Variants in PPP1R9A observed in about 807,000 individuals in gnomAD.
PPP1R9A encodes the protein protein phosphatase 1 regulatory subunit 9A, also known as neurabin-1.
PPP1R9A carries 59 observed loss-of-function variants against 141.9 expected under a neutral mutation model. That is an observed-to-expected ratio of 0.42 (90% CI 0.34 to 0.52). The LOEUF is 0.52. Among genes scored for constraint, PPP1R9A ranks in the 20% least tolerant of loss-of-function variants. The pLI is 0.10. For missense variants in PPP1R9A, 1,444 were observed against 1,611.9 expected (o/e 0.90, Z 1.78); for synonymous variants, 500 against 569.7 (o/e 0.88, Z 1.74).
intron 2 of PPP1R9A, among the ~76,000 whole-genome samples, chr7:94,985,552 G>A (rs1800714678): frequency 6.6e-6 from 1 of 152,108 alleles, no homozygotes; most frequent in Non-Finnish European, 1.5e-5. Flanking sequence ...TCTTCTTGTT[G>A]AATTGATCCC....
intron 12 of PPP1R9A, among the ~76,000 whole-genome samples, chr7:95,256,191 C>CAAA (rs369030873): frequency 3.6e-4 from 49 of 135,396 alleles, no homozygotes; most frequent in African/African-American, 9.2e-4. Flanking sequence ...GATCCTGTCT[C>CAAA]AAAAAAAAAA....
chr7:95,188,983 G>A (rs1441088436), intron 5 of PPP1R9A, among the ~76,000 whole-genome samples: 3 of 152,222 alleles, frequency 2.0e-5, no homozygotes, highest in East Asian at 3.9e-4. Flanking sequence ...TGCTGGTGTG[G>A]TGGTGATGAA....
intron 12 of PPP1R9A, 101 bp from the exon 13 acceptor site, chr7:95,268,449 C>T (rs1801636702): frequency 4.5e-6 from 6 of 1,340,972 alleles, no homozygotes; most frequent in South Asian, 1.4e-5. Context: ...CTGATCCTTA[C>T]CTGATGTTAC....
chr7:94,959,702 T>A (rs1329533318), intron 2 of PPP1R9A, among the ~76,000 whole-genome samples: 1 of 151,732 alleles, frequency 6.6e-6, no homozygotes. Flanking sequence ...AGTTATTCAA[T>A]TTTTAATTTT....
At chr7:94,962,527 A>C (rs2151136592) in intron 2 of PPP1R9A, among the ~76,000 whole-genome samples, 1 of 152,212 alleles carries the variant, frequency 6.6e-6, no homozygotes, top group Non-Finnish European at 1.5e-5. Flanking sequence ...TCTCATAAAA[A>C]AAATCTCACT....
intron 2 of PPP1R9A, among the ~76,000 whole-genome samples, chr7:95,006,891 T>A (rs916609851): frequency 2.6e-5 from 4 of 151,844 alleles, no homozygotes; most frequent in African/African-American, 9.7e-5. Context: ...AGACGGAGTT[T>A]CGCGCTTGTT....
chr7:95,043,080 G>C (rs1267655766), intron 2 of PPP1R9A, among the ~76,000 whole-genome samples: 1 of 152,144 alleles, frequency 6.6e-6, no homozygotes, highest in East Asian at 1.9e-4. Flanking sequence ...AAATGAGGCT[G>C]CTAAATTAGG....
chr7:95,056,680 C>G (rs1811541717), intron 2 of PPP1R9A, among the ~76,000 whole-genome samples: 1 of 151,952 alleles, frequency 6.6e-6, no homozygotes, highest in Non-Finnish European at 1.5e-5. Flanking sequence ...TCAAGTTTGC[C>G]TGAAGTAATA....
intron 4 of PPP1R9A, among the ~76,000 whole-genome samples, chr7:95,122,146 ATTT>A (rs1273220292): frequency 1.5e-5 from 2 of 133,896 alleles, no homozygotes; most frequent in Admixed American, 7.5e-5. Context: ...CCAGAGCACC[ATTT>A]TTTTTTTTTT....
At chr7:95,219,094 C>G (rs952394616) in intron 7 of PPP1R9A, among the ~76,000 whole-genome samples, 1 of 152,166 alleles carries the variant, frequency 6.6e-6, no homozygotes, top group Non-Finnish European at 1.5e-5. Context: ...CATGCTTTTG[C>G]AGTGGGTGGT....
intron 12 of PPP1R9A, among the ~76,000 whole-genome samples, chr7:95,252,810 A>T (rs993194498): frequency 6.6e-6 from 1 of 152,168 alleles, no homozygotes. Context: ...GATCTTTTTC[A>T]TAATATCAGA....
intron 9 of PPP1R9A, among the ~76,000 whole-genome samples, chr7:95,249,102 G>A (rs947920172): frequency 6.6e-6 from 1 of 152,066 alleles, no homozygotes; most frequent in Non-Finnish European, 1.5e-5. Context: ...GTAGAAATGA[G>A]GGTATTAGAC....
chr7:95,198,662 A>G (rs1479367828), intron 6 of PPP1R9A, among the ~76,000 whole-genome samples, 178 bp downstream of exon 6: 1 of 152,218 alleles, frequency 6.6e-6, no homozygotes, highest in Non-Finnish European at 1.5e-5. Context: ...TTAAGAATCA[A>G]GTCATGGTAT....
At position 95,203,720 on chromosome 7, in the gene PPP1R9A, A is replaced by G. The variant is rs915875634; in HGVS notation, c.1946A>G (p.Tyr649Cys). Reference sequence around the variant, plus strand: ...GGCAACTGCAATAACAATAACAACTATTTTCTTAAGGTTTGTTTTTTGGTT... The same window carrying G: ...GGCAACTGCAATAACAATAACAACTGTTTTCTTAAGGTTTGTTTTTTGGTT... ...MSGNCNNNNN[Y>C]FLKTGEYATD... The change falls in exon 7 of 20, where the codon TAT (tyrosine) becomes TGT (cysteine). Residue 649 changes from tyrosine to cysteine, a missense_variant. Physicochemically the swap from Tyr to Cys is radical, Grantham distance 194 (BLOSUM62 -2). Coordinates refer to ENST00000433360, the MANE Select transcript of PPP1R9A (RefSeq NM_001166160.2). 3 of 1,534,528 alleles carry G rather than the reference A, an allele frequency of 2.0e-6. No homozygotes were observed. Among genetic ancestry groups the G allele is most frequent in the Non-Finnish European group, 2.6e-6 (3 of 1,145,408 alleles).
chr7:95,168,400 G>A (rs1037817163), intron 5 of PPP1R9A, among the ~76,000 whole-genome samples: 7 of 151,888 alleles, frequency 4.6e-5, no homozygotes, highest in Admixed American at 1.3e-4. Context: ...ACTCAATATG[G>A]ATTAAAGACT....
intron 14 of PPP1R9A, 37 bp from the exon 15 acceptor site, chr7:95,273,856 AAATAAT>A: frequency 7.0e-7 from 1 of 1,426,162 alleles, no homozygotes; most frequent in South Asian, 1.3e-5. Flanking sequence ...GTGACTTTAA[AAATAAT>A]AATAATTGAT....
chr7:95,066,732 C>T (rs1328062817), intron 2 of PPP1R9A, among the ~76,000 whole-genome samples: 2 of 151,996 alleles, frequency 1.3e-5, no homozygotes, highest in Non-Finnish European at 2.9e-5. Context: ...CCAGGAGGTC[C>T]AACATCCAAC....
chr7:95,068,501 A>G (rs71562880), intron 2 of PPP1R9A, among the ~76,000 whole-genome samples: 1 of 151,130 alleles, frequency 6.6e-6, no homozygotes, highest in South Asian at 2.1e-4. Flanking sequence ...AAAAAGACAA[A>G]CAAAACACAA....
chr7:94,909,209 CT>C (rs981169384), intron 1 of PPP1R9A, among the ~76,000 whole-genome samples: 1 of 152,158 alleles, frequency 6.6e-6, no homozygotes, highest in African/African-American at 2.4e-5. Context: ...CATTTATTCC[CT>C]TGGTAGTCTG....
Sources: gnomAD v4.1 joint callset for allele counts (sites outside exome capture counted in the v4.1 genomes callset) on GRCh38, gnomAD v4.1.1 for gene constraint, MANE v1.5 for transcripts, NCBI Gene and HGNC (gene_info 2026-07-23, HGNC 2026-07-21) for gene names.